Variants in FAM53B observed in about 807,000 individuals in gnomAD.
The protein encoded by FAM53B is protein FAM53B.
In FAM53B, 12 loss-of-function variants were observed where a neutral mutation model predicts 32.7. The ratio of observed to expected loss-of-function variants is 0.37; its 90% CI spans 0.24 to 0.59. FAM53B has a LOEUF of 0.59. Ranked by LOEUF, FAM53B falls within the 20% of genes least tolerant of loss-of-function variation. The pLI is 0.72. For synonymous variants in FAM53B, 234 were observed against 228.7 expected (o/e 1.02, Z -0.21); for missense variants, 477 against 577.7 (o/e 0.83, Z 1.79).
At chr10:124,675,964 A>T (rs1417117302) in intron 4 of FAM53B, among the ~76,000 whole-genome samples, 2 of 152,210 alleles carry the variant, frequency 1.3e-5, no homozygotes, top group Non-Finnish European at 2.9e-5. Flanking sequence ...GGAGGATTCT[A>T]AGACCTCCAC....
chr10:124,640,195 G>A (rs183284861), intron 4 of FAM53B, among the ~76,000 whole-genome samples: 1 of 152,354 alleles, frequency 6.6e-6, no homozygotes, highest in East Asian at 1.9e-4. Flanking sequence ...GCTGCACCTT[G>A]CTACAGGTGC....
chr10:124,714,329 C>A (rs1261972868), intron 1 of FAM53B: 1 of 151,994 alleles, frequency 6.6e-6, no homozygotes, highest in African/African-American at 2.4e-5. Context: ...AGTTCAGGAC[C>A]CACGAATGTG....
chr10:124,660,438 C>T (rs573281906), intron 4 of FAM53B, among the ~76,000 whole-genome samples: 5 of 152,298 alleles, frequency 3.3e-5, no homozygotes, highest in African/African-American at 1.2e-4. Flanking sequence ...CACTGAGATC[C>T]GTTGAATACA....
intron 1 of FAM53B, among the ~76,000 whole-genome samples, chr10:124,715,265 T>A (rs988568170): frequency 3.9e-5 from 6 of 152,048 alleles, no homozygotes; most frequent in Admixed American, 1.3e-4. Flanking sequence ...GCAAGAAAAA[T>A]GGGCAGATGA....
chr10:124,648,669 G>A (rs1949536495), intron 4 of FAM53B, among the ~76,000 whole-genome samples: 1 of 152,276 alleles, frequency 6.6e-6, no homozygotes, highest in Non-Finnish European at 1.5e-5. Context: ...GCCCCTAAAG[G>A]TGCTCTTTTT....
intron 1 of FAM53B, chr10:124,713,686 T>C (rs1481145816): frequency 6.6e-6 from 1 of 152,254 alleles, no homozygotes; most frequent in Admixed American, 6.5e-5. Context: ...TAAAAGAAAC[T>C]GGAAATCAGC....
At chr10:124,680,564 C>T (rs1332755555) in intron 4 of FAM53B, among the ~76,000 whole-genome samples, 1 of 152,180 alleles carries the variant, frequency 6.6e-6, no homozygotes, top group Non-Finnish European at 1.5e-5. Context: ...CAGCTATGCC[C>T]ACCTGAAACG....
chr10:124,683,681 C>T (rs1351308515), intron 3 of FAM53B, among the ~76,000 whole-genome samples: 1 of 152,128 alleles, frequency 6.6e-6, no homozygotes, highest in African/African-American at 2.4e-5. Context: ...TTAGTCAGGC[C>T]CCAGAGCGCA....
At chr10:124,735,890 T>C (rs201457793) in intron 1 of FAM53B, among the ~76,000 whole-genome samples, 1 of 152,204 alleles carries the variant, frequency 6.6e-6, no homozygotes, top group Non-Finnish European at 1.5e-5. Context: ...AGACCTAGGA[T>C]TTGAACCCAG....
chr10:124,660,806 C>A (rs1315698985), intron 4 of FAM53B, among the ~76,000 whole-genome samples: 1 of 152,182 alleles, frequency 6.6e-6, no homozygotes, highest in African/African-American at 2.4e-5. Context: ...CTATCGGGCT[C>A]TGTCATAATG....
At chr10:124,692,572 G>A (rs1443566464) in intron 3 of FAM53B, among the ~76,000 whole-genome samples, 20 of 151,750 alleles carry the variant, frequency 1.3e-4, no homozygotes, top group African/African-American at 2.4e-4. Flanking sequence ...AAAATTAGCC[G>A]GGCATGGTGG....
Position 124,697,560 on chromosome 10 carries a change from G to A in FAM53B, c.79-1348C>T, listed in dbSNP as rs141186792. Among the ~76,000 whole-genome samples, 39 of 152,270 alleles carry A rather than the reference G, an allele frequency of 2.6e-4. 1 individual carries two copies. In the East Asian group the frequency reaches 7.6e-3, roughly 30 times the overall value. On this transcript the variant is annotated intron_variant, in intron 2 of 4. Coordinates refer to ENST00000337318, the MANE Select transcript of FAM53B (RefSeq NM_014661.4). ...CACGGGGTTACTAAGGGTCCATGCT[G>A]ACCAACCTGGGGACACAGAGGTGAA...
At chr10:124,627,289 T>C in intron 4 of FAM53B, among the ~76,000 whole-genome samples, 1 of 152,064 alleles carries the variant, frequency 6.6e-6, no homozygotes, top group East Asian at 1.9e-4. Context: ...CCCTGTGCCC[T>C]CCATGCCCCG....
intron 4 of FAM53B, among the ~76,000 whole-genome samples, chr10:124,664,706 G>A (rs539434443): frequency 1.3e-5 from 2 of 152,328 alleles, no homozygotes; most frequent in East Asian, 3.9e-4. Flanking sequence ...CACAGAAATG[G>A]GATAGTCCCG....
chr10:124,716,469 T>A (rs1950038830), intron 1 of FAM53B, among the ~76,000 whole-genome samples: 1 of 152,142 alleles, frequency 6.6e-6, no homozygotes. Flanking sequence ...GCAAATAACA[T>A]TTCAAGAGGA....
At chr10:124,641,785 T>C (rs911649094) in intron 4 of FAM53B, among the ~76,000 whole-genome samples, 1 of 152,136 alleles carries the variant, frequency 6.6e-6, no homozygotes, top group African/African-American at 2.4e-5. Flanking sequence ...AGGTGGGTCT[T>C]ATTAAGACGG....
At chr10:124,633,721 AACAG>A (rs1472114177) in intron 4 of FAM53B, among the ~76,000 whole-genome samples, 2 of 152,208 alleles carry the variant, frequency 1.3e-5, no homozygotes, top group African/African-American at 2.4e-5. Flanking sequence ...ATGGTACTGA[AACAG>A]ACAGGCAGCT....
At chr10:124,670,196 GACTA>G (rs768240067) in intron 4 of FAM53B, among the ~76,000 whole-genome samples, 1 of 81,920 alleles carries the variant, frequency 1.2e-5, no homozygotes, top group Non-Finnish European at 3.1e-5. Context: ...AGAGGTGCCT[GACTA>G]ACTTCCTCTG....
intron 4 of FAM53B, among the ~76,000 whole-genome samples, chr10:124,663,772 G>A (rs902732998): frequency 6.6e-5 from 10 of 152,000 alleles, no homozygotes; most frequent in Non-Finnish European, 1.3e-4. Flanking sequence ...TTACCCCAGG[G>A]CTCATTTTGT....
Sources: allele counts gnomAD v4.1 joint callset (sites outside exome capture counted in the v4.1 genomes callset), GRCh38; gene constraint gnomAD v4.1.1; transcripts MANE v1.5; gene names NCBI Gene and HGNC (gene_info 2026-07-23, HGNC 2026-07-21).